The following ZNF521 variants were observed in gnomAD, a reference collection of about 807,000 sequenced individuals.
ZNF521 encodes the protein zinc finger protein 521.
In ZNF521, 14 loss-of-function variants were observed where a neutral mutation model predicts 105.5. The observed-to-expected ratio is 0.13, with a 90% confidence interval of 0.09 to 0.21. The LOEUF is 0.21. Ranked by LOEUF, ZNF521 falls within the 10% of genes least tolerant of loss-of-function variation. The pLI is 1.00. For missense variants in ZNF521, 1,233 were observed against 1,629.7 expected (o/e 0.76, Z 4.19); for synonymous variants, 635 against 606.0 (o/e 1.05, Z -0.70).
At chr18:25,210,830 G>T (rs1383684960) in intron 4 of ZNF521, among the ~76,000 whole-genome samples, 1 of 152,124 alleles carries the variant, frequency 6.6e-6, no homozygotes, top group African/African-American at 2.4e-5. Context: ...TGCTCACTCT[G>T]CTCCAGGCAT....
At chr18:25,348,413 T>C (rs1914556467) in intron 2 of ZNF521, among the ~76,000 whole-genome samples, 1 of 152,098 alleles carries the variant, frequency 6.6e-6, no homozygotes, top group Non-Finnish European at 1.5e-5. Flanking sequence ...GCTACTAATA[T>C]CAAAATGATT....
intron 7 of ZNF521, among the ~76,000 whole-genome samples, chr18:25,069,677 A>AT (rs141088942): frequency 6.6e-6 from 1 of 152,162 alleles, no homozygotes; most frequent in Non-Finnish European, 1.5e-5. Flanking sequence ...TTCAATGCAT[A>AT]TTTTTTAAAG....
chr18:25,154,635 C>T (rs997404319), intron 5 of ZNF521, among the ~76,000 whole-genome samples: 3 of 152,106 alleles, frequency 2.0e-5, no homozygotes, highest in African/African-American at 7.2e-5. Context: ...CTATAAGTAA[C>T]TCAAATAATC....
intron 2 of ZNF521, among the ~76,000 whole-genome samples, chr18:25,332,846 A>T (rs1170044521): frequency 2.6e-5 from 4 of 152,168 alleles, no homozygotes; most frequent in African/African-American, 4.8e-5. Flanking sequence ...TAAAGACACG[A>T]GTGCCATTAG....
In ZNF521 at chr18:25,134,176, G is replaced by T. The variant is rs572822921; in HGVS notation, c.3659-42095C>A. Among the ~76,000 whole-genome samples, 11 of 152,240 alleles carry T rather than the reference G, an allele frequency of 7.2e-5. No homozygotes were observed. The South Asian group carries it at 2.1e-3, about 29-fold the overall frequency. On this transcript the variant is annotated intron_variant, in intron 5 of 7. Coordinates refer to ENST00000361524, the MANE Select transcript of ZNF521 (RefSeq NM_015461.3). ...AACAGACGGAATTTTAAAGAACAAGGCTTGCAGAGTGGCTGCAAGTACAAG... is the reference window on the plus strand; with the variant it reads ...AACAGACGGAATTTTAAAGAACAAGTCTTGCAGAGTGGCTGCAAGTACAAG...
At chr18:25,099,262 G>T (rs1372441782) in intron 5 of ZNF521, among the ~76,000 whole-genome samples, 1 of 152,082 alleles carries the variant, frequency 6.6e-6, no homozygotes, top group Non-Finnish European at 1.5e-5. Context: ...CAAGACTGAT[G>T]GTAAAACAAT....
intron 2 of ZNF521, among the ~76,000 whole-genome samples, chr18:25,350,264 G>C (rs990874849): frequency 6.6e-6 from 1 of 151,974 alleles, no homozygotes; most frequent in Non-Finnish European, 1.5e-5. Flanking sequence ...GGGGCGAGGG[G>C]CGGTCAACTT....
chr18:25,132,974 G>A (rs1414679157), intron 5 of ZNF521, among the ~76,000 whole-genome samples: 1 of 152,164 alleles, frequency 6.6e-6, no homozygotes, highest in African/African-American at 2.4e-5. Flanking sequence ...ACATGTGTGC[G>A]GCATCAGCTG....
chr18:25,216,997 A>G (rs905561794), intron 4 of ZNF521, among the ~76,000 whole-genome samples: 3 of 152,186 alleles, frequency 2.0e-5, no homozygotes, highest in African/African-American at 7.2e-5. Flanking sequence ...CTCAGGTGAT[A>G]AAGTGGGGAA....
chr18:25,081,004 TTTCCTTCCTAATGGAGGCAGATCTTC>T (rs2144168046), intron 7 of ZNF521, among the ~76,000 whole-genome samples: 1 of 152,342 alleles, frequency 6.6e-6, no homozygotes, highest in East Asian at 1.9e-4. Context: ...ACATGCAGTC[TTTCCTTCCTAATGGAGGCAGATCTTC>T]CGGTGCTATG....
intron 3 of ZNF521, among the ~76,000 whole-genome samples, chr18:25,258,310 T>C (rs927421774): frequency 6.6e-6 from 1 of 152,140 alleles, no homozygotes; most frequent in Admixed American, 6.5e-5. Context: ...AATATGCCCA[T>C]AGACTATTAC....
At chr18:25,084,220 A>G (rs2033571079) in intron 7 of ZNF521, among the ~76,000 whole-genome samples, 1 of 140,084 alleles carries the variant, frequency 7.1e-6, no homozygotes, top group Admixed American at 6.8e-5. Context: ...AATGTGAGAC[A>G]GATTTTGTGT....
intron 5 of ZNF521, among the ~76,000 whole-genome samples, chr18:25,129,794 C>T (rs1246916458): frequency 7.1e-6 from 1 of 141,074 alleles, no homozygotes; most frequent in Non-Finnish European, 1.6e-5. Context: ...AGATAGCACT[C>T]TGTACCTGTC....
intron 3 of ZNF521, among the ~76,000 whole-genome samples, chr18:25,277,624 A>C (rs1568051056): frequency 6.6e-6 from 1 of 152,206 alleles, no homozygotes; most frequent in East Asian, 1.9e-4. Flanking sequence ...TTCTGTGAGG[A>C]ACACACCTAA....
chr18:25,144,632 A>G (rs2034909569), intron 5 of ZNF521, among the ~76,000 whole-genome samples: 1 of 152,206 alleles, frequency 6.6e-6, no homozygotes, highest in African/African-American at 2.4e-5. Context: ...AACCCAGGTA[A>G]GAAATGCAAC....
chr18:25,089,648 G>C, intron 6 of ZNF521, 68 bp from the exon 7 acceptor site: 1 of 1,300,002 alleles, frequency 7.7e-7, no homozygotes, highest in Non-Finnish European at 1.1e-6. Flanking sequence ...CGATGACTCT[G>C]CATGAACAGA....
At chr18:25,192,206 C>G (rs186119399) in intron 5 of ZNF521, among the ~76,000 whole-genome samples, 9 of 152,050 alleles carry the variant, frequency 5.9e-5, no homozygotes, top group African/African-American at 2.2e-4. Context: ...TCTTTTTTTC[C>G]TTAATAGACA....
At chr18:25,167,756 T>C (rs1425885302) in intron 5 of ZNF521, among the ~76,000 whole-genome samples, 2 of 152,258 alleles carry the variant, frequency 1.3e-5, no homozygotes, top group South Asian at 2.1e-4. Context: ...TGTGGCTTTG[T>C]GCCCCATCTG....
intron 3 of ZNF521, among the ~76,000 whole-genome samples, chr18:25,282,408 A>G (rs1042905843): frequency 1.3e-5 from 2 of 152,300 alleles, no homozygotes; most frequent in Non-Finnish European, 1.5e-5. Flanking sequence ...AGCAAAGTGC[A>G]GGCTAGTCCT....
Sources: gnomAD v4.1 joint callset for allele counts (sites outside exome capture counted in the v4.1 genomes callset) on GRCh38, gnomAD v4.1.1 for gene constraint, MANE v1.5 for transcripts, NCBI Gene and HGNC (gene_info 2026-07-23, HGNC 2026-07-21) for gene names.